The following GLI3 variants were observed in gnomAD, a reference collection of about 807,000 sequenced individuals.
GLI3 encodes transcription activator GLI3.
A neutral mutation model predicts 100.8 loss-of-function variants in GLI3; 20 were observed. The ratio of observed to expected loss-of-function variants is 0.20; its 90% CI spans 0.14 to 0.29. The LOEUF is 0.29. Among genes scored for constraint, GLI3 ranks in the 10% least tolerant of loss-of-function variants. The probability of loss-of-function intolerance (pLI) is 1.00; values close to 1 mark genes in which losing one functional copy is unlikely to be tolerated. For synonymous variants in GLI3, 938 were observed against 860.5 expected (o/e 1.09, Z -1.58); for missense variants, 2,040 against 2,128.5 (o/e 0.96, Z 0.82).
At chr7:41,989,241 A>G (rs116129313) in intron 10 of GLI3, among the ~76,000 whole-genome samples, 166 of 152,320 alleles carry the variant, frequency 1.1e-3, no homozygotes, top group African/African-American at 4.0e-3. Context: ...GATAGGCAAA[A>G]TTATTTTAAC....
chr7:42,045,554 G>A (rs1345903145), intron 5 of GLI3, 24 bp from the exon 6 acceptor site: 3 of 1,612,012 alleles, frequency 1.9e-6, no homozygotes, highest in Admixed American at 3.3e-5. Context: ...AGAGATGTAT[G>A]GTTACTAGCG....
intron 1 of GLI3, among the ~76,000 whole-genome samples, chr7:42,254,253 C>T (rs1179199885): frequency 6.8e-6 from 1 of 146,734 alleles, no homozygotes; most frequent in Admixed American, 6.9e-5. Flanking sequence ...TAGAGGATAT[C>T]GCCTTGGGCA....
intron 10 of GLI3, among the ~76,000 whole-genome samples, chr7:42,002,544 T>C (rs572908314): frequency 1.6e-4 from 24 of 152,302 alleles, no homozygotes; most frequent in Admixed American, 1.4e-3. Flanking sequence ...TTGAACATCA[T>C]TAGGAATCCT....
intron 3 of GLI3, among the ~76,000 whole-genome samples, chr7:42,077,540 A>T (rs1037715564): frequency 6.6e-6 from 1 of 151,976 alleles, no homozygotes; most frequent in Non-Finnish European, 1.5e-5. Context: ...CTAGAGCCAA[A>T]CTCAGGGAAT....
intron 10 of GLI3, among the ~76,000 whole-genome samples, chr7:41,983,395 A>C (rs1381070786): frequency 1.3e-5 from 2 of 152,188 alleles, no homozygotes; most frequent in African/African-American, 4.8e-5. Flanking sequence ...AGAAAAAAAA[A>C]CACATTCTTT....
At position 42,116,578 on chromosome 7, in the gene GLI3, G is replaced by A. The variant is rs545552490; in HGVS notation, c.367+31648C>T. Among the ~76,000 whole-genome samples, 8 of 151,254 alleles carry A rather than the reference G, an allele frequency of 5.3e-5. No individual in the cohort carries two copies. In the South Asian group the frequency reaches 1.7e-3, roughly 32 times the overall value. On this transcript the variant is annotated intron_variant, in intron 3 of 14. Transcript: ENST00000395925. ...ACCCATTCGTAAAATCTATCCATTTGTTTTTATTATATGAACAACTTAAAA... is the reference window on the plus strand; with the variant it reads ...ACCCATTCGTAAAATCTATCCATTTATTTTTATTATATGAACAACTTAAAA...
intron 2 of GLI3, among the ~76,000 whole-genome samples, chr7:42,221,065 GGTGA>G (rs1045402451): frequency 6.6e-6 from 1 of 152,192 alleles, no homozygotes; most frequent in Non-Finnish European, 1.5e-5. Context: ...TGAGGAAACA[GGTGA>G]TTATTTAACA....
At chr7:41,997,929 G>A (rs1420081920) in intron 10 of GLI3, among the ~76,000 whole-genome samples, 1 of 152,136 alleles carries the variant, frequency 6.6e-6, no homozygotes. Flanking sequence ...CTCTAATATT[G>A]ATGTTTTCTT....
Position 41,965,836 on chromosome 7 carries a change from G to C in GLI3, c.3237C>G (p.Thr1079=). The change falls in exon 15 of 15, where the codon ACC becomes ACG. Residue 1079 remains threonine (T), a synonymous_variant. Transcript: ENST00000395925. ...CGTTCAGGTTGGCATCAGCGTCCATGGTCAGGGACTCCAGGGTGACGTTCT... is the reference window on the plus strand; with the variant it reads ...CGTTCAGGTTGGCATCAGCGTCCATCGTCAGGGACTCCAGGGTGACGTTCT... ...ITENVTLESL[T]MDADANLNDE... is the part of the protein sequence containing the mutation. 1 of 1,613,684 alleles carries C rather than the reference G, an allele frequency of 6.2e-7. No homozygotes were observed. Among genetic ancestry groups the C allele is most frequent in the East Asian group, 2.2e-5 (1 of 44,802 alleles).
At chr7:42,200,861 C>G (rs1788024550) in intron 2 of GLI3, among the ~76,000 whole-genome samples, 1 of 151,916 alleles carries the variant, frequency 6.6e-6, no homozygotes, top group South Asian at 2.1e-4. Context: ...TGTGCAAAAA[C>G]ACAGGACAGA....
At chr7:42,129,283 A>G (rs998649003) in intron 3 of GLI3, among the ~76,000 whole-genome samples, 2 of 152,322 alleles carry the variant, frequency 1.3e-5, no homozygotes, top group South Asian at 4.1e-4. Flanking sequence ...CCATAATCAC[A>G]TTGTTAGGAG....
At chr7:42,058,666 C>T (rs2330285) in intron 4 of GLI3, among the ~76,000 whole-genome samples, 73,984 of 151,986 alleles carry the variant, frequency 0.49, 18,385 homozygotes, top group South Asian at 0.54. Context: ...CAGGGGCTAC[C>T]GCTAAGCCAA....
At position 41,972,637 on chromosome 7, in the gene GLI3, C is replaced by A. The variant is rs889633172; in HGVS notation, c.1813-10G>T. 1 of 1,600,276 alleles carries A rather than the reference C, an allele frequency of 6.2e-7. No individual in the cohort carries two copies. Among genetic ancestry groups the A allele is most frequent in the African/African-American group, 1.3e-5 (1 of 74,848 alleles). ...TGCACACATATGGTTTCTGCCAAAT[C>A]CCACAAGAACGAGGTAAGAGATTGT... On this transcript the variant is annotated splice_polypyrimidine_tract_variant and intron_variant, in intron 12 of 14. Transcript: ENST00000395925. The surrounding 1 kb of genome is among the most constrained non-coding windows in gnomAD (Gnocchi z 4.4).
At chr7:42,044,891 T>A (rs918422099) in intron 6 of GLI3, among the ~76,000 whole-genome samples, 2 of 151,632 alleles carry the variant, frequency 1.3e-5, no homozygotes, top group Non-Finnish European at 1.5e-5. Flanking sequence ...CAGGAAAAAA[T>A]TTTTTTGGTT....
chr7:42,041,103 A>G (rs1784127313), intron 6 of GLI3, among the ~76,000 whole-genome samples: 2 of 152,268 alleles, frequency 1.3e-5, no homozygotes, highest in Non-Finnish European at 2.9e-5. Context: ...CAGAGGAGAA[A>G]CCCTTACGAG....
intron 10 of GLI3, among the ~76,000 whole-genome samples, chr7:42,004,247 A>C (rs901754663): frequency 3.9e-5 from 6 of 152,200 alleles, no homozygotes; most frequent in African/African-American, 1.4e-4. Context: ...ACAATTATCT[A>C]ACACAATGCC....
chr7:42,060,142 C>G (rs1156273560), intron 4 of GLI3, among the ~76,000 whole-genome samples: 1 of 152,242 alleles, frequency 6.6e-6, no homozygotes, highest in Admixed American at 6.5e-5. Context: ...AGCATGTAGC[C>G]TGGTGACTGT....
intron 3 of GLI3, among the ~76,000 whole-genome samples, chr7:42,139,685 A>AAT (rs940714122): frequency 6.6e-6 from 1 of 152,152 alleles, no homozygotes; most frequent in Non-Finnish European, 1.5e-5. Context: ...ATCTCAAAAA[A>AAT]ATATATATAT....
At chr7:42,254,079 C>CA (rs1403537376) in intron 1 of GLI3, among the ~76,000 whole-genome samples, 2 of 152,016 alleles carry the variant, frequency 1.3e-5, no homozygotes, top group African/African-American at 4.8e-5. Context: ...ATTAGCTGGG[C>CA]ATGGTGGTGC....
Sources: gnomAD v4.1 joint callset for allele counts (sites outside exome capture counted in the v4.1 genomes callset) on GRCh38, gnomAD v4.1.1 for gene constraint, Gnocchi (gnomAD v3.1) non-coding constraint, MANE v1.5 for transcripts, NCBI Gene and HGNC (gene_info 2026-07-23, HGNC 2026-07-21) for gene names.